NSMCE2: variants seen among roughly 807,000 people sequenced by gnomAD.
NSMCE2 encodes NSE2 SUMO ligase component of SMC5/6 complex.
In NSMCE2, 24 loss-of-function variants were observed where a neutral mutation model predicts 23.8. That is an observed-to-expected ratio of 1.01 (90% CI 0.73 to 1.42). The LOEUF is 1.42. Among genes scored for constraint, NSMCE2 ranks in the 40% most tolerant of loss-of-function variants. The pLI is 0.00. For missense variants in NSMCE2, 284 were observed against 296.5 expected (o/e 0.96, Z 0.31); for synonymous variants, 92 against 94.1 (o/e 0.98, Z 0.13).
intron 5 of NSMCE2, among the ~76,000 whole-genome samples, chr8:125,193,264 G>A (rs1823443726): frequency 6.6e-6 from 1 of 152,154 alleles, no homozygotes; most frequent in Non-Finnish European, 1.5e-5. Flanking sequence ...CATTAAGGTA[G>A]TGAATGGACA....
intron 5 of NSMCE2, among the ~76,000 whole-genome samples, chr8:125,303,345 G>C (rs1686370902): frequency 6.6e-6 from 1 of 152,100 alleles, no homozygotes; most frequent in Admixed American, 6.5e-5. Context: ...AGAACAGACA[G>C]AATTCTTTGG....
intron 5 of NSMCE2, among the ~76,000 whole-genome samples, chr8:125,322,720 CA>C (rs1258252632): frequency 1.3e-5 from 2 of 152,126 alleles, no homozygotes; most frequent in African/African-American, 4.8e-5. Context: ...ATGAAATCTA[CA>C]AAAAAGCTGC....
intron 5 of NSMCE2, among the ~76,000 whole-genome samples, chr8:125,272,716 A>ATAATAT (rs397765906): frequency 7.1e-6 from 1 of 140,486 alleles, no homozygotes; most frequent in African/African-American, 2.7e-5. Flanking sequence ...ATATATATAT[A>ATAATAT]ATATATATAT....
intron 5 of NSMCE2, among the ~76,000 whole-genome samples, chr8:125,224,202 T>A (rs1824995518): frequency 6.6e-6 from 1 of 152,222 alleles, no homozygotes. Flanking sequence ...CCTTATGTAT[T>A]TTGGATGTTA....
At chr8:125,296,156 T>C (rs912540302) in intron 5 of NSMCE2, among the ~76,000 whole-genome samples, 4 of 152,232 alleles carry the variant, frequency 2.6e-5, no homozygotes, top group Admixed American at 2.6e-4. Context: ...TCCATGGCCC[T>C]ATGAACTAGG....
chr8:125,101,360 C>G (rs1015438040), intron 1 of NSMCE2, among the ~76,000 whole-genome samples: 6 of 152,180 alleles, frequency 3.9e-5, no homozygotes, highest in Admixed American at 6.5e-5. Context: ...AGGGAAGGCT[C>G]TAATGCTAAT....
rs117687969 is a variant in NSMCE2, at chr8:125,161,178, G to T, written c.264+9901G>T. On this transcript the variant is annotated intron_variant, in intron 4 of 7. Transcript: ENST00000287437. ...AGAATGGAGAGGATTTCTTTCCATT[G>T]TTTCTCTCTCACAGCATCAAGTTTC... Among the ~76,000 whole-genome samples the T allele has an allele frequency of 4.9e-3, 746 of 152,176 alleles. 14 individuals are homozygous for T. Among genetic ancestry groups the T allele is most frequent in the Admixed American group, 0.033 (498 of 15,292 alleles).
chr8:125,147,007 A>G (rs1468595079), intron 3 of NSMCE2, among the ~76,000 whole-genome samples: 1 of 152,218 alleles, frequency 6.6e-6, no homozygotes, highest in Non-Finnish European at 1.5e-5. Context: ...AGCTACAGCT[A>G]TTATATATAC....
chr8:125,335,268 T>G (rs1389132091), intron 5 of NSMCE2, among the ~76,000 whole-genome samples: 2 of 152,144 alleles, frequency 1.3e-5, no homozygotes, highest in African/African-American at 4.8e-5. Flanking sequence ...CCACCATTTT[T>G]AAACAGCGAT....
In NSMCE2 at chr8:125,205,935, T is replaced by C. The variant is rs1199592276; in HGVS notation, c.418+23679T>C. Among the ~76,000 whole-genome samples the C allele has an allele frequency of 3.3e-5, 5 of 152,310 alleles. No individual in the cohort carries two copies. The East Asian group carries it at 9.6e-4, about 29-fold the overall frequency. On this transcript the variant is annotated intron_variant, in intron 5 of 7. Transcript: ENST00000287437. ...GCCAAAACTCTTTAATATATTGTCC[T>C]GGTAAGTGTGCTTTTGGGAATCACT...
chr8:125,267,003 CTTTTTTTTTTT>C (rs35990794), intron 5 of NSMCE2, among the ~76,000 whole-genome samples: 2 of 111,990 alleles, frequency 1.8e-5, no homozygotes, highest in Non-Finnish European at 3.5e-5. Context: ...TTTTTTCTTT[CTTTTTTTTTTT>C]TTTTTTTTGA....
chr8:125,212,162 C>A (rs1000719572), intron 5 of NSMCE2, among the ~76,000 whole-genome samples: 1 of 152,194 alleles, frequency 6.6e-6, no homozygotes, highest in East Asian at 1.9e-4. Context: ...TGTTGCTACA[C>A]GTGTGAATCT....
At chr8:125,175,210 A>G (rs1482209745) in intron 4 of NSMCE2, among the ~76,000 whole-genome samples, 6 of 152,132 alleles carry the variant, frequency 3.9e-5, no homozygotes, top group Non-Finnish European at 1.5e-5. Flanking sequence ...GTGGTGTGTC[A>G]TTAAGTGTGG....
chr8:125,114,352 C>T (rs2130449077), intron 3 of NSMCE2, among the ~76,000 whole-genome samples: 1 of 152,260 alleles, frequency 6.6e-6, no homozygotes, highest in Admixed American at 6.5e-5. Flanking sequence ...GTACATGATA[C>T]ACAGTAAGCA....
At chr8:125,266,199 C>G (rs1281032044) in intron 5 of NSMCE2, among the ~76,000 whole-genome samples, 2 of 150,384 alleles carry the variant, frequency 1.3e-5, no homozygotes, top group Non-Finnish European at 2.9e-5. Flanking sequence ...TCAAGAGATT[C>G]TCCTGCCTCG....
chr8:125,324,578 T>G (rs1231310990), intron 5 of NSMCE2, among the ~76,000 whole-genome samples: 6 of 47,788 alleles, frequency 1.3e-4, no homozygotes, highest in East Asian at 2.0e-3. Flanking sequence ...AATTCTTTTT[T>G]TTTTTTTTTT....
rs1197239245 is a variant in NSMCE2, at chr8:125,150,653, A to G, written c.158-518A>G. Reference sequence around the variant, plus strand: ...TGCCTCGGCCTCCCAAAGTACTAGGATTACAGACGTTAGTCACCACGCCCG... The same window carrying G: ...TGCCTCGGCCTCCCAAAGTACTAGGGTTACAGACGTTAGTCACCACGCCCG... On this transcript the variant is annotated intron_variant, in intron 3 of 7. Transcript: ENST00000287437. 2.0e-5 allele frequency among the ~76,000 whole-genome samples: 3 copies of G among 151,824 alleles called. No individual in the cohort carries two copies. In the East Asian group the frequency reaches 5.8e-4, roughly 29 times the overall value.
rs566744474 is a variant in NSMCE2 at position 125,205,772 on chromosome 8, A to G, written c.418+23516A>G. Among the ~76,000 whole-genome samples, 16 of 152,304 alleles carry G rather than the reference A, an allele frequency of 1.1e-4. No homozygotes were observed. In the East Asian group the frequency reaches 3.1e-3, roughly 29 times the overall value. On this transcript the variant is annotated intron_variant, in intron 5 of 7. Transcript: ENST00000287437. ...TGAAGGAGCAGAGGGTTGAGAAAAA[A>G]TGGTTAGAATTATAGGTTGTAAATA...
chr8:125,358,595 A>G (rs1813389044), intron 7 of NSMCE2, among the ~76,000 whole-genome samples: 1 of 152,054 alleles, frequency 6.6e-6, no homozygotes, highest in African/African-American at 2.4e-5. Context: ...TAGAATCCTG[A>G]GTTAGCCAGA....
Sources: gnomAD v4.1 joint callset for allele counts (sites outside exome capture counted in the v4.1 genomes callset) on GRCh38, gnomAD v4.1.1 for gene constraint, MANE v1.5 for transcripts, NCBI Gene and HGNC (gene_info 2026-07-23, HGNC 2026-07-21) for gene names.